The following GALNTL6 variants were observed in gnomAD, a reference collection of about 807,000 sequenced individuals.
GALNTL6 encodes polypeptide N-acetylgalactosaminyltransferase-like 6.
Under a neutral mutation model 73.7 loss-of-function variants are expected in GALNTL6, and 46 were observed. That is an observed-to-expected ratio of 0.62 (90% CI 0.49 to 0.80). The LOEUF (loss-of-function observed/expected upper bound fraction) is 0.80, where lower values mean the gene tolerates loss of function less well. GALNTL6 is among the 30% of genes least tolerant of loss of function. The probability of loss-of-function intolerance (pLI) is 0.00; values close to 1 mark genes in which losing one functional copy is unlikely to be tolerated. For missense variants in GALNTL6, 604 were observed against 755.0 expected (o/e 0.80, Z 2.34); for synonymous variants, 259 against 263.7 (o/e 0.98, Z 0.17).
At chr4:172,567,497 A>G (rs896288343) in intron 5 of GALNTL6, among the ~76,000 whole-genome samples, 7 of 152,192 alleles carry the variant, frequency 4.6e-5, no homozygotes, top group Admixed American at 2.0e-4. Flanking sequence ...ACCAGCAAAC[A>G]TATCTTTTTC....
At chr4:172,390,489 C>A (rs1003462743) in intron 5 of GALNTL6, among the ~76,000 whole-genome samples, 2 of 152,204 alleles carry the variant, frequency 1.3e-5, no homozygotes, top group African/African-American at 4.8e-5. Context: ...ATGATAAAAT[C>A]TCACACCTAC....
chr4:172,363,426 T>A (rs779842691), intron 5 of GALNTL6, among the ~76,000 whole-genome samples: 3 of 152,152 alleles, frequency 2.0e-5, no homozygotes, highest in Non-Finnish European at 4.4e-5. Context: ...TGACTCAGTT[T>A]CTCTCATAGT....
intron 2 of GALNTL6, among the ~76,000 whole-genome samples, chr4:171,817,657 T>C (rs562282505): frequency 1.5e-3 from 232 of 151,798 alleles, no homozygotes; most frequent in African/African-American, 5.4e-3. Context: ...AAGATAATTT[T>C]CTAATATTTT....
At chr4:172,467,855 T>TTTCTTTCTTTCTTTCTTTCTTTCC in intron 5 of GALNTL6, among the ~76,000 whole-genome samples, 1 of 138,944 alleles carries the variant, frequency 7.2e-6, no homozygotes, top group Non-Finnish European at 1.6e-5. Flanking sequence ...TCTTTCTTTC[T>TTTCTTTCTTTCTTTCTTTCTTTCC]TTCTTTCTTT....
chr4:172,948,618 ATT>A (rs369982668), intron 9 of GALNTL6, among the ~76,000 whole-genome samples: 43 of 136,516 alleles, frequency 3.1e-4, no homozygotes, highest in Admixed American at 1.3e-3. Flanking sequence ...AGCCTCGCTA[ATT>A]TTTTTTTTTT....
At chr4:172,600,279 A>G (rs1375633957) in intron 5 of GALNTL6, among the ~76,000 whole-genome samples, 1 of 152,156 alleles carries the variant, frequency 6.6e-6, no homozygotes, top group Non-Finnish European at 1.5e-5. Context: ...TTAACAAAAG[A>G]TTTCAACAAC....
intron 2 of GALNTL6, among the ~76,000 whole-genome samples, chr4:171,885,315 C>T (rs1004104458): frequency 2.0e-5 from 3 of 151,878 alleles, no homozygotes; most frequent in Non-Finnish European, 4.4e-5. Context: ...TCTATTTTTC[C>T]ATCATACTTT....
At chr4:172,612,227 G>A (rs1579242411) in intron 5 of GALNTL6, among the ~76,000 whole-genome samples, 2 of 152,140 alleles carry the variant, frequency 1.3e-5, no homozygotes, top group Admixed American at 1.3e-4. Context: ...TTGGGCTTCA[G>A]TTTCTTGACC....
intron 2 of GALNTL6, among the ~76,000 whole-genome samples, chr4:172,156,547 A>ATATATATAG (rs1734283984): frequency 8.8e-6 from 1 of 113,776 alleles, no homozygotes; most frequent in African/African-American, 3.9e-5. Flanking sequence ...TATAATATAT[A>ATATATATAG]TATATATATA....
intron 2 of GALNTL6, among the ~76,000 whole-genome samples, chr4:172,002,263 T>A (rs1263654712): frequency 1.3e-5 from 2 of 152,136 alleles, no homozygotes; most frequent in Non-Finnish European, 2.9e-5. Flanking sequence ...TTATGTGAAG[T>A]TTTTGGGAGG....
chr4:172,964,637 G>C (rs1277549277), intron 10 of GALNTL6, among the ~76,000 whole-genome samples: 1 of 152,206 alleles, frequency 6.6e-6, no homozygotes, highest in Admixed American at 6.5e-5. Context: ...GCAGGCTGCT[G>C]TTCTTAACTT....
intron 5 of GALNTL6, among the ~76,000 whole-genome samples, chr4:172,477,561 G>A (rs1224293786): frequency 6.6e-6 from 1 of 152,038 alleles, no homozygotes; most frequent in African/African-American, 2.4e-5. Context: ...GCAACACATG[G>A]TAAGATGGTA....
At chr4:172,645,055 T>C (rs1240579744) in intron 5 of GALNTL6, among the ~76,000 whole-genome samples, 1 of 152,032 alleles carries the variant, frequency 6.6e-6, no homozygotes, top group African/African-American at 2.4e-5. Flanking sequence ...TGTTTTTATC[T>C]CATTGATTTG....
At chr4:172,480,097 G>A (rs1733388302) in intron 5 of GALNTL6, among the ~76,000 whole-genome samples, 1 of 152,130 alleles carries the variant, frequency 6.6e-6, no homozygotes, top group Non-Finnish European at 1.5e-5. Flanking sequence ...GACCGAGGCA[G>A]GAAAATTCCT....
At chr4:172,916,375 T>C (rs2111278561) in intron 8 of GALNTL6, among the ~76,000 whole-genome samples, 1 of 152,228 alleles carries the variant, frequency 6.6e-6, no homozygotes, top group South Asian at 2.1e-4. Context: ...CTATTCAACA[T>C]AGTGTTGGAA....
intron 2 of GALNTL6, among the ~76,000 whole-genome samples, chr4:171,868,064 G>T: frequency 6.8e-6 from 1 of 146,904 alleles, no homozygotes; most frequent in Admixed American, 6.9e-5. Flanking sequence ...ATAGTTTACT[G>T]CAGCCTCAAA....
At chr4:172,115,821 G>A (rs1023710952) in intron 2 of GALNTL6, among the ~76,000 whole-genome samples, 3 of 151,866 alleles carry the variant, frequency 2.0e-5, no homozygotes, top group Non-Finnish European at 4.4e-5. Flanking sequence ...ATTACAGTGA[G>A]GAATAATAAT....
intron 8 of GALNTL6, among the ~76,000 whole-genome samples, chr4:172,911,507 A>G (rs1390177872): frequency 1.3e-5 from 2 of 152,222 alleles, no homozygotes; most frequent in African/African-American, 4.8e-5. Context: ...CAGATACACA[A>G]GAAAATATCT....
chr4:172,282,936 G>A (rs1482426104), intron 3 of GALNTL6, among the ~76,000 whole-genome samples: 2 of 152,138 alleles, frequency 1.3e-5, no homozygotes, highest in Admixed American at 1.3e-4. Context: ...TTAAGACAAG[G>A]AAGAAATTAA....
Sources: allele counts gnomAD v4.1 joint callset (sites outside exome capture counted in the v4.1 genomes callset), GRCh38; gene constraint gnomAD v4.1.1; transcripts MANE v1.5; gene names NCBI Gene and HGNC (gene_info 2026-07-23, HGNC 2026-07-21).